The following RYR2 variants were observed in gnomAD, a reference collection of about 807,000 sequenced individuals.
The protein encoded by RYR2 is ryanodine receptor 2.
In RYR2, 227 loss-of-function variants were observed where a neutral mutation model predicts 601.1. That is an observed-to-expected ratio of 0.38 (90% confidence interval 0.34 to 0.42). RYR2 has a LOEUF of 0.42. Ranked by LOEUF, RYR2 falls within the 10% of genes least tolerant of loss-of-function variation. The pLI, the probability that RYR2 is intolerant of heterozygous loss-of-function variation, is 1.00. For synonymous variants in RYR2, 2,223 were observed against 2,175.1 expected (o/e 1.02, Z -0.61); for missense variants, 4,646 against 6,156.5 (o/e 0.75, Z 8.21).
intron 1 of RYR2, among the ~76,000 whole-genome samples, chr1:237,082,501 T>TG (rs1340005659): frequency 2.5e-5 from 3 of 120,712 alleles, no homozygotes; most frequent in Non-Finnish European, 5.5e-5. Context: ...AACCCCTGTG[T>TG]TATATTCTTT....
At chr1:237,817,783 G>A (rs368317863) in intron 100 of RYR2, among the ~76,000 whole-genome samples, 4 of 152,276 alleles carry the variant, frequency 2.6e-5, no homozygotes, top group South Asian at 2.1e-4. Context: ...GAAATGAAGC[G>A]AAGCAGAGGA....
intron 99 of RYR2, among the ~76,000 whole-genome samples, chr1:237,806,794 AT>A (rs573488240): frequency 1.1e-4 from 16 of 152,206 alleles, no homozygotes; most frequent in Non-Finnish European, 1.9e-4. Flanking sequence ...AACGTTTCAT[AT>A]TTGACAAGGT....
chr1:237,515,136 G>A (rs1416851611), intron 24 of RYR2, among the ~76,000 whole-genome samples: 2 of 152,124 alleles, frequency 1.3e-5, no homozygotes, highest in African/African-American at 2.4e-5. Context: ...ACGGTACTGC[G>A]AAATTGTGAC....
chr1:237,271,803 A>G (rs915507730), intron 2 of RYR2, among the ~76,000 whole-genome samples: 1 of 152,110 alleles, frequency 6.6e-6, no homozygotes, highest in African/African-American at 2.4e-5. Flanking sequence ...GTCAGTGACA[A>G]ATCCTTGCTG....
intron 2 of RYR2, among the ~76,000 whole-genome samples, chr1:237,299,888 GT>G (rs1381822758): frequency 6.6e-6 from 1 of 152,172 alleles, no homozygotes; most frequent in East Asian, 1.9e-4. Flanking sequence ...CAAATCAAAA[GT>G]TTAATCTGGA....
chr1:237,519,825 G>A (rs1375919009), intron 24 of RYR2, among the ~76,000 whole-genome samples: 3 of 152,058 alleles, frequency 2.0e-5, no homozygotes, highest in African/African-American at 7.2e-5. Context: ...AAATGACATT[G>A]GCATTTTGAT....
intron 2 of RYR2, among the ~76,000 whole-genome samples, chr1:237,292,656 T>C (rs1210224588): frequency 2.0e-5 from 3 of 152,234 alleles, no homozygotes; most frequent in Non-Finnish European, 4.4e-5. Context: ...TGGGAAGTTT[T>C]TGATGCTGTG....
chr1:237,156,985 C>CA (rs1446838202), intron 1 of RYR2, among the ~76,000 whole-genome samples: 2 of 151,996 alleles, frequency 1.3e-5, no homozygotes, highest in Admixed American at 6.6e-5. Flanking sequence ...GGAGATGCCT[C>CA]AAAAAACCAA....
In RYR2 at chr1:237,759,846, C is replaced by T. The variant is rs1693269720; in HGVS notation, c.11396C>T (p.Ser3799Leu). The T allele has an allele frequency of 6.2e-7, 1 of 1,608,530 alleles. No individual in the cohort carries two copies. ...CAGAGCCTGGCCGGCCTGATGCAGT[C>T]ATGTAGGTAAGGACTCACTTCCTTC... Reference protein sequence around the residue: ...FFQSLAGLMQSCSVLDLNAFE... With the variant: ...FFQSLAGLMQLCSVLDLNAFE... The change falls in exon 83 of 105, where the codon TCA (serine) becomes TTA (leucine). Residue 3799 changes from serine to leucine, a missense_variant. This residue lies in a region of RYR2 where 1,497 missense variants were observed against 1,842.6 expected (regional missense o/e 0.81). Transcript: ENST00000366574.
At chr1:237,296,212 T>C (rs1024162561) in intron 2 of RYR2, among the ~76,000 whole-genome samples, 1 of 152,122 alleles carries the variant, frequency 6.6e-6, no homozygotes, top group African/African-American at 2.4e-5. Context: ...GTAAGTGGTA[T>C]GAGATATGAT....
At chr1:237,448,288 T>A (rs917916712) in intron 14 of RYR2, among the ~76,000 whole-genome samples, 1 of 152,252 alleles carries the variant, frequency 6.6e-6, no homozygotes, top group Middle Eastern at 3.4e-3. Flanking sequence ...TTTTTTCAGT[T>A]TCCAAATATT....
At chr1:237,241,874 T>C (rs680160) in intron 1 of RYR2, among the ~76,000 whole-genome samples, 137,496 of 152,146 alleles carry the variant, frequency 0.9, 63,573 homozygotes, top group East Asian at 1. Context: ...GTATAATGAG[T>C]AGTGAGGATG....
chr1:237,058,155 G>A (rs1256110468), intron 1 of RYR2, among the ~76,000 whole-genome samples: 1 of 152,096 alleles, frequency 6.6e-6, no homozygotes, highest in African/African-American at 2.4e-5. Flanking sequence ...GGCTTATATA[G>A]GTAATTATGT....
chr1:237,100,807 C>T (rs1349846851), intron 1 of RYR2, among the ~76,000 whole-genome samples: 7 of 152,216 alleles, frequency 4.6e-5, no homozygotes, highest in East Asian at 3.9e-4. Flanking sequence ...TGTTTTTATA[C>T]GCAACACTAG....
chr1:237,576,030 C>G (rs1411293507), intron 29 of RYR2, among the ~76,000 whole-genome samples: 1 of 152,084 alleles, frequency 6.6e-6, no homozygotes, highest in Non-Finnish European at 1.5e-5. Context: ...AGGTATCTCT[C>G]TAACAGAAGG....
chr1:237,616,614 C>T (rs1009047191), intron 37 of RYR2, among the ~76,000 whole-genome samples: 18 of 152,096 alleles, frequency 1.2e-4, no homozygotes, highest in African/African-American at 2.9e-4. Context: ...TCTCTTATCA[C>T]TGATGGAATA....
At chr1:237,406,778 C>A (rs1244581263) in intron 10 of RYR2, among the ~76,000 whole-genome samples, 1 of 152,142 alleles carries the variant, frequency 6.6e-6, no homozygotes. Flanking sequence ...ACAGAGAATT[C>A]TGCCTCACCA....
At chr1:237,566,878 C>T in intron 28 of RYR2, 103 bp downstream of exon 28, 1 of 1,135,978 alleles carries the variant, frequency 8.8e-7, no homozygotes, top group Non-Finnish European at 1.3e-6. Flanking sequence ...TCCCACAGCA[C>T]AAACGTGGAA....
intron 76 of RYR2, 41 bp from the exon 77 acceptor site, chr1:237,730,219 T>C (rs545638913): frequency 8.6e-7 from 1 of 1,158,942 alleles, no homozygotes; most frequent in African/African-American, 1.5e-5. Flanking sequence ...TTCAACTTAT[T>C]TTCTAAACAC....
Sources: gnomAD v4.1 joint callset for allele counts (sites outside exome capture counted in the v4.1 genomes callset) on GRCh38, gnomAD v4.1.1 for gene constraint, gnomAD v4.1.1 regional missense constraint, MANE v1.5 for transcripts, NCBI Gene and HGNC (gene_info 2026-07-23, HGNC 2026-07-21) for gene names.